The following CTTN variants were observed in gnomAD, a reference collection of about 807,000 sequenced individuals.
CTTN encodes src substrate cortactin.
Under a neutral mutation model 84.0 loss-of-function variants are expected in CTTN, and 28 were observed. The ratio of observed to expected loss-of-function variants is 0.33; its 90% CI spans 0.25 to 0.46. The LOEUF is 0.46. Ranked by LOEUF, CTTN falls within the 20% of genes least tolerant of loss-of-function variation. CTTN has a pLI of 1.00. For missense variants in CTTN, 641 were observed against 723.8 expected (o/e 0.89, Z 1.31); for synonymous variants, 301 against 288.8 (o/e 1.04, Z -0.43).
Position 70,409,915 on chromosome 11 carries a change from T to G in CTTN, c.246T>G (p.His82Gln). Residue 82 changes from histidine to glutamine, a missense_variant, in exon 5 of 18, where the codon CAT (histidine) becomes CAG (glutamine). Physicochemically the swap from His to Gln is conservative, Grantham distance 24. Transcript: ENST00000301843. ...TTGAAACAGGACCAAAAGCTTCCCATGGCTATGGAGGGAAATTTGGTGTGG... is the reference window on the plus strand; with the variant it reads ...TTGAAACAGGACCAAAAGCTTCCCAGGGCTATGGAGGGAAATTTGGTGTGG... ...KELETGPKAS[H>Q]GYGGKFGVEQ... is the part of the protein sequence containing the mutation. 1 of 1,614,054 alleles carries G rather than the reference T, an allele frequency of 6.2e-7. No homozygotes were observed. The highest frequency in any genetic ancestry group is 8.5e-7 in the Non-Finnish European group (1 of 1,180,000).
intron 10 of CTTN, 90 bp from the exon 11 acceptor site, chr11:70,421,380 T>C: frequency 1.1e-6 from 1 of 914,702 alleles, no homozygotes; most frequent in Admixed American, 1.8e-5. Context: ...CTGGAAACTG[T>C]GTTTGATTTT....
At chr11:70,432,989 C>G in intron 15 of CTTN, 112 bp from the exon 16 acceptor site, 1 of 1,176,016 alleles carries the variant, frequency 8.5e-7, no homozygotes, top group South Asian at 1.4e-5. Flanking sequence ...TCAGTCCTGG[C>G]TGGGACTGAG....
rs370623790 is a variant in CTTN at position 70,435,253 on chromosome 11, GTTTTTTTTTTTTTT to G, written c.*103_*116del. ...TCTTGGGTGGTTTTGGGTTTTTTCT[GTTTTTTTTTTTTTT>G]TTTTTTTTTTTGAAGGTGGGGAGGG... On this transcript the variant is annotated 3_prime_UTR_variant, in exon 18 of 18. Coordinates refer to ENST00000301843, the MANE Select transcript of CTTN (RefSeq NM_005231.4). 7.5e-5 allele frequency: 70 copies of G among 938,806 alleles called. No homozygotes were observed. The highest frequency in any genetic ancestry group is 1.3e-4 in the Admixed American group (2 of 15,086). 58.2% of individuals were successfully genotyped at this position (938,806 alleles called of 1,614,324 possible).
Position 70,429,046 on chromosome 11 carries a change from T to C in CTTN, c.1028-5T>C, listed in dbSNP as rs1160911568. On this transcript the variant is annotated splice_polypyrimidine_tract_variant and splice_region_variant and intron_variant, in intron 13 of 17. Coordinates refer to ENST00000301843, the MANE Select transcript of CTTN (RefSeq NM_005231.4). ...AGGCACACGTCCTCCCTCCTTCCTC[T>C]ATAGTGACCAGCAAAACAAGTAACA... The C allele has an allele frequency of 8.1e-6, 13 of 1,614,096 alleles. No homozygotes were observed. Among genetic ancestry groups the C allele is most frequent in the African/African-American group, 2.7e-5 (2 of 74,940 alleles).
chr11:70,400,349 C>T (rs539888841), intron 1 of CTTN, among the ~76,000 whole-genome samples: 1 of 152,240 alleles, frequency 6.6e-6, no homozygotes, highest in South Asian at 2.1e-4. Flanking sequence ...ACCTGTTGTC[C>T]TAGCTACTTG....
intron 4 of CTTN, 35 bp from the exon 5 acceptor site, chr11:70,409,796 A>G: frequency 6.2e-7 from 1 of 1,607,048 alleles, no homozygotes; most frequent in Admixed American, 1.7e-5. Context: ...CGTCTGTTTT[A>G]TTGATCTGTT....
chr11:70,429,254 G>T (rs1453340990), intron 14 of CTTN, 55 bp downstream of exon 14: 6 of 1,566,456 alleles, frequency 3.8e-6, no homozygotes, highest in East Asian at 2.4e-5. Context: ...GTGCCGAGGG[G>T]ATTGGGAGCT....
At chr11:70,429,463 C>T (rs531570197) in intron 14 of CTTN, among the ~76,000 whole-genome samples, 3 of 152,326 alleles carry the variant, frequency 2.0e-5, no homozygotes, top group East Asian at 3.9e-4. Flanking sequence ...CCAACCTGCC[C>T]TGCCCTCTGT....
chr11:70,414,786 T>A, intron 6 of CTTN, 134 bp downstream of exon 6: 2 of 632,134 alleles, frequency 3.2e-6, no homozygotes, highest in Non-Finnish European at 5.7e-6. Context: ...GAGGGGCATC[T>A]GCCTCCCAGG....
At chr11:70,427,257 C>A (rs1009804501) in intron 13 of CTTN, among the ~76,000 whole-genome samples, 3 of 152,018 alleles carry the variant, frequency 2.0e-5, no homozygotes, top group Non-Finnish European at 4.4e-5. Context: ...GACTGAGGTA[C>A]GAGAATTGCT....
rs1471132418 is a variant in CTTN, at chr11:70,429,218, G to T, written c.1176+19G>T. On this transcript the variant is annotated intron_variant, in intron 14 of 17. Transcript: ENST00000301843. ...GCTGGAGGTGAGTGGCAAGGAGTGG[G>T]CCGCAGCGCACCCTCCCTGGGACCT... The T allele has an allele frequency of 1.4e-5, 23 of 1,604,700 alleles. No individual in the cohort carries two copies. Among genetic ancestry groups the T allele is most frequent in the Non-Finnish European group, 2.0e-5 (23 of 1,175,888 alleles).
intron 12 of CTTN, among the ~76,000 whole-genome samples, chr11:70,423,864 T>C (rs2058271447): frequency 6.6e-6 from 1 of 152,206 alleles, no homozygotes; most frequent in South Asian, 2.1e-4. Context: ...TGGGGGGGTC[T>C]ACTTTGAGAA....
intron 12 of CTTN, 51 bp downstream of exon 12, chr11:70,423,046 G>A: frequency 6.2e-7 from 1 of 1,609,636 alleles, no homozygotes. Context: ...AGGGGCTCTT[G>A]GTGGGCGTGG....
At chr11:70,414,905 G>A (rs539295712) in intron 6 of CTTN, among the ~76,000 whole-genome samples, 1 of 152,298 alleles carries the variant, frequency 6.6e-6, no homozygotes, top group African/African-American at 2.4e-5. Flanking sequence ...GGATGGCCCT[G>A]TGTCTGTCCC....
chr11:70,402,959 G>GA (rs1217325582), intron 1 of CTTN, among the ~76,000 whole-genome samples: 1 of 152,096 alleles, frequency 6.6e-6, no homozygotes, highest in Non-Finnish European at 1.5e-5. Flanking sequence ...TTTCAACACT[G>GA]TTGCTGAGAT....
chr11:70,421,184 A>G (rs2058232372), intron 10 of CTTN, among the ~76,000 whole-genome samples: 1 of 152,178 alleles, frequency 6.6e-6, no homozygotes, highest in South Asian at 2.1e-4. Flanking sequence ...GACGCTAAGA[A>G]TGAACTGCAC....
At chr11:70,413,812 A>G (rs183028414) in intron 5 of CTTN, among the ~76,000 whole-genome samples, 3 of 152,318 alleles carry the variant, frequency 2.0e-5, no homozygotes, top group Admixed American at 2.0e-4. Flanking sequence ...AGAACAAAAT[A>G]GTTTGCTGGC....
chr11:70,416,670 T>C lies in CTTN; in HGVS notation c.458-343T>C, dbSNP rs1404783220. The stretch of plus-strand genomic sequence containing the variant: ...CTGGTCTCAAACTCCTGGCCTCAAG[T>C]GATCCGCCCACCTCAGCCTCCAAAG... On this transcript the variant is annotated intron_variant, in intron 7 of 17. Transcript: ENST00000301843. The C allele has an allele frequency of 9.8e-5, 19 of 193,886 alleles. No individual in the cohort carries two copies. In the Admixed American group the frequency reaches 1.0e-3, roughly 10 times the overall value. 12.0% of individuals were successfully genotyped at this position (193,886 alleles called of 1,614,324 possible).
intron 8 of CTTN, 53 bp from the exon 9 acceptor site, chr11:70,419,693 G>T: frequency 6.9e-7 from 1 of 1,452,746 alleles, no homozygotes. Flanking sequence ...ATACTTGCAT[G>T]TTCACTGATT....
Sources: gnomAD v4.1 joint callset for allele counts (sites outside exome capture counted in the v4.1 genomes callset) on GRCh38, gnomAD v4.1.1 for gene constraint, MANE v1.5 for transcripts, NCBI Gene and HGNC (gene_info 2026-07-23, HGNC 2026-07-21) for gene names.